ZYG11B: variants seen among roughly 807,000 people sequenced by gnomAD.
The protein encoded by ZYG11B is zyg-11 family member B, cell cycle regulator.
A neutral mutation model predicts 82.4 loss-of-function variants in ZYG11B; 36 were observed. The observed-to-expected ratio is 0.44, with a 90% CI of 0.33 to 0.58. The LOEUF (loss-of-function observed/expected upper bound fraction) is 0.58. Ranked by LOEUF, ZYG11B falls within the 20% of genes least tolerant of loss-of-function variation. ZYG11B has a pLI of 0.02. For missense variants in ZYG11B, 552 were observed against 895.6 expected, an observed-to-expected ratio of 0.62 and a Z score of 4.90; for synonymous variants, 303 against 312.8, an observed-to-expected ratio of 0.97 and a Z score of 0.33.
chr1:52,763,920 T>C (rs1271980621), intron 2 of ZYG11B, among the ~76,000 whole-genome samples: 1 of 152,210 alleles, frequency 6.6e-6, no homozygotes, highest in Non-Finnish European at 1.5e-5. Context: ...AAATAGACTT[T>C]CTAGGTGCTT....
chr1:52,807,491 CTT>C (rs34785263), intron 10 of ZYG11B, among the ~76,000 whole-genome samples: 24 of 128,870 alleles, frequency 1.9e-4, no homozygotes, highest in Admixed American at 2.5e-4. Context: ...GCTAAGAGTA[CTT>C]TTTTTTTTTT....
intron 2 of ZYG11B, among the ~76,000 whole-genome samples, chr1:52,764,191 T>A (rs543647826): frequency 4.1e-4 from 63 of 152,290 alleles, no homozygotes; most frequent in African/African-American, 1.5e-3. Flanking sequence ...TGGCACTATC[T>A]CGGCTCACTG....
At chr1:52,809,296 T>C (rs1645165173) in intron 10 of ZYG11B, among the ~76,000 whole-genome samples, 1 of 152,210 alleles carries the variant, frequency 6.6e-6, no homozygotes, top group African/African-American at 2.4e-5. Flanking sequence ...CTTGTAAAAC[T>C]GAACGTCTGT....
rs1327123718 is a variant in ZYG11B, at chr1:52,824,027, CT to C, written c.*2399del. ...TTTTGCACGCCTATAGTCCCAGCTACTCGGGAGGCTGAGGCACGAGAATCAC... is the reference window on the plus strand; with the variant it reads ...TTTTGCACGCCTATAGTCCCAGCTACCGGGAGGCTGAGGCACGAGAATCAC... On this transcript the variant is annotated 3_prime_UTR_variant, in exon 14 of 14. Transcript: ENST00000294353. 6.6e-6 allele frequency: 1 copy of C among 152,178 alleles called. No individual in the cohort carries two copies. Among genetic ancestry groups the C allele is most frequent in the African/African-American group, 2.4e-5 (1 of 41,426 alleles). 9.4% of individuals were successfully genotyped at this position (152,178 alleles called of 1,614,324 possible).
intron 1 of ZYG11B, among the ~76,000 whole-genome samples, chr1:52,754,700 C>T (rs1208080943): frequency 2.0e-5 from 3 of 152,110 alleles, no homozygotes; most frequent in Non-Finnish European, 4.4e-5. Flanking sequence ...TTATGGTGAT[C>T]TTTGAAGCAC....
At chr1:52,803,141 TATATATATATATACAC>T (rs1558140213) in intron 10 of ZYG11B, among the ~76,000 whole-genome samples, 5,654 of 60,380 alleles carry the variant, frequency 0.094, 715 homozygotes, top group East Asian at 0.3. Flanking sequence ...TATACACACA[TATATATATATATACAC>T]ATATATATAT....
intron 1 of ZYG11B, among the ~76,000 whole-genome samples, chr1:52,752,666 A>G (rs1375541953): frequency 6.6e-6 from 1 of 152,148 alleles, no homozygotes; most frequent in Non-Finnish European, 1.5e-5. Context: ...GGGACTTGTG[A>G]CTGGCACCTG....
intron 3 of ZYG11B, 72 bp from the exon 4 acceptor site, chr1:52,779,781 C>T (rs913033654): frequency 1.0e-5 from 16 of 1,581,620 alleles, no homozygotes; most frequent in South Asian, 3.5e-5. Context: ...TGAGCCACCG[C>T]GCCTGGCCAC....
At chr1:52,744,658 T>C (rs1362276774) in intron 1 of ZYG11B, among the ~76,000 whole-genome samples, 7 of 152,250 alleles carry the variant, frequency 4.6e-5, no homozygotes, top group Non-Finnish European at 7.4e-5. Context: ...CTGACTAACA[T>C]GGTGAAACCC....
intron 6 of ZYG11B, among the ~76,000 whole-genome samples, chr1:52,793,072 T>C (rs1201602794): frequency 6.7e-6 from 1 of 149,874 alleles, no homozygotes; most frequent in Non-Finnish European, 1.5e-5. Flanking sequence ...ACTCCTGACC[T>C]CAGGTGATCT....
intron 2 of ZYG11B, among the ~76,000 whole-genome samples, chr1:52,758,429 C>G (rs533517545): frequency 2.0e-5 from 3 of 152,056 alleles, no homozygotes; most frequent in African/African-American, 7.2e-5. Flanking sequence ...TATAGATAAA[C>G]TGAGGTTCAG....
At chr1:52,762,549 A>G (rs1025383042) in intron 2 of ZYG11B, among the ~76,000 whole-genome samples, 3 of 151,092 alleles carry the variant, frequency 2.0e-5, no homozygotes, top group Admixed American at 6.6e-5. Flanking sequence ...TCTCAGATGA[A>G]TGTCCTGAAG....
At chr1:52,730,968 T>G (rs985755181) in intron 1 of ZYG11B, among the ~76,000 whole-genome samples, 1 of 151,372 alleles carries the variant, frequency 6.6e-6, no homozygotes, top group Non-Finnish European at 1.5e-5. Context: ...ATTGTAGGAG[T>G]TATGTAAAGA....
intron 13 of ZYG11B, among the ~76,000 whole-genome samples, chr1:52,818,796 T>G (rs1281737618): frequency 3.4e-5 from 5 of 147,742 alleles, no homozygotes; most frequent in African/African-American, 4.9e-5. Context: ...TCGCTTGGGT[T>G]TTTTTTTTTT....
intron 13 of ZYG11B, 97 bp from the exon 14 acceptor site, chr1:52,821,342 A>C (rs757801174): frequency 1.6e-6 from 2 of 1,290,034 alleles, no homozygotes; most frequent in Non-Finnish European, 2.1e-6. Context: ...GCTAAAAAAA[A>C]ATGGCTCCTA....
At chr1:52,783,882 A>ATGTACATACACGTG (rs74208826) in intron 4 of ZYG11B, among the ~76,000 whole-genome samples, 2 of 126,052 alleles carry the variant, frequency 1.6e-5, no homozygotes, top group East Asian at 3.3e-4. Flanking sequence ...ACGTGTGTGT[A>ATGTACATACACGTG]TATGTACATA....
At chr1:52,772,586 G>C in intron 3 of ZYG11B, 3 of 1,542,916 alleles carry the variant, frequency 1.9e-6, no homozygotes, top group Non-Finnish European at 1.8e-6. Context: ...AAGTGGGGAA[G>C]CTGCGTCGAT....
At chr1:52,766,390 G>A (rs1000776054) in intron 2 of ZYG11B, among the ~76,000 whole-genome samples, 28 of 151,578 alleles carry the variant, frequency 1.8e-4, no homozygotes, top group South Asian at 2.1e-4. Flanking sequence ...AAGTGCCACC[G>A]CGCCTGGTCT....
intron 3 of ZYG11B, among the ~76,000 whole-genome samples, chr1:52,777,894 A>AT (rs1294999383): frequency 6.6e-6 from 1 of 152,146 alleles, no homozygotes; most frequent in Non-Finnish European, 1.5e-5. Flanking sequence ...GTTTTTTGGC[A>AT]TTTTTTAAAA....
Sources: gnomAD v4.1 joint callset for allele counts (sites outside exome capture counted in the v4.1 genomes callset) on GRCh38, gnomAD v4.1.1 for gene constraint, MANE v1.5 for transcripts, NCBI Gene and HGNC (gene_info 2026-07-23, HGNC 2026-07-21) for gene names.